Variants in VWA8 observed in about 807,000 individuals in gnomAD.
VWA8 encodes the protein von Willebrand factor A domain-containing protein 8.
A neutral mutation model predicts 241.5 loss-of-function variants in VWA8; 221 were observed. The observed-to-expected ratio is 0.91, with a 90% CI of 0.82 to 1.02. VWA8 has a LOEUF of 1.02. Among genes scored for constraint, VWA8 ranks in the 50% least tolerant of loss-of-function variants. The pLI, the probability that VWA8 is intolerant of heterozygous loss-of-function variation, is 0.00. For synonymous variants in VWA8, 852 were observed against 827.1 expected, an observed-to-expected ratio of 1.03 and a Z score of -0.52; for missense variants, 2,322 against 2,328.7, an observed-to-expected ratio of 1.00 and a Z score of 0.06.
At chr13:41,658,901 T>G (rs1046229947) in intron 37 of VWA8, among the ~76,000 whole-genome samples, 27 of 152,240 alleles carry the variant, frequency 1.8e-4, no homozygotes, top group South Asian at 1.2e-3. Flanking sequence ...TATACCTGTA[T>G]CTTCCTACCA....
At position 41,887,299 on chromosome 13, in the gene VWA8, C is replaced by T. The variant is rs1874593680; in HGVS notation, c.714G>A (p.Val238=). ...TTGGCACTGGCAAGCCCAAGGCAAT[C>T]ACTCGGAAATTTTCACTAACTCGGA... ...KIVRVSENFR[V]IALGLPVPRY... Residue 238 remains valine, a synonymous_variant, in exon 6 of 45, where the codon GTG becomes GTA. Coordinates refer to ENST00000379310, the MANE Select transcript of VWA8 (RefSeq NM_015058.2). 6.2e-7 allele frequency: 1 copy of T among 1,613,558 alleles called. No homozygotes were observed. The highest frequency in any genetic ancestry group is 1.3e-5 in the African/African-American group (1 of 74,890).
At chr13:41,840,155 T>C (rs1237184286) in intron 12 of VWA8, among the ~76,000 whole-genome samples, 1 of 152,174 alleles carries the variant, frequency 6.6e-6, no homozygotes. Flanking sequence ...AGTTCACTCA[T>C]GTTTTGGCTG....
rs372532526 is a variant in VWA8, at chr13:41,732,131, C to T, written c.2451G>A (p.Thr817=). 7.5e-5 allele frequency: 121 copies of T among 1,612,850 alleles called. No individual in the cohort carries two copies. Among genetic ancestry groups the T allele is most frequent in the Non-Finnish European group, 2.1e-5 (25 of 1,179,444 alleles). The change falls in exon 22 of 45, where the codon ACG becomes ACA. Residue 817 remains threonine (T), a synonymous_variant. Coordinates refer to ENST00000379310, the MANE Select transcript of VWA8 (RefSeq NM_015058.2). The part of the protein sequence containing the change: ...LHRDTTVQTL[T]LQPSVKDGLI... Reference sequence around the variant, plus strand: ...GTCCGTCTTTAACCGAAGGCTGAAGCGTAAGAGTTTGTACTGTGGTATCCC... The same window carrying T: ...GTCCGTCTTTAACCGAAGGCTGAAGTGTAAGAGTTTGTACTGTGGTATCCC...
At chr13:41,777,822 T>A (rs767199781) in intron 20 of VWA8, among the ~76,000 whole-genome samples, 163 bp downstream of exon 20, 1 of 152,214 alleles carries the variant, frequency 6.6e-6, no homozygotes, top group Admixed American at 6.5e-5. Flanking sequence ...GATTTAAACC[T>A]TGAGGTAATT....
At chr13:41,892,195 A>G (rs148148826) in intron 4 of VWA8, among the ~76,000 whole-genome samples, 1 of 152,352 alleles carries the variant, frequency 6.6e-6, no homozygotes, top group African/African-American at 2.4e-5. Context: ...GAAAATTAGT[A>G]ATGGAGAAAA....
rs144416393 is a variant in VWA8, at chr13:41,614,083, G to A, written c.4720+893C>T. On this transcript the variant is annotated intron_variant, in intron 38 of 44. Transcript: ENST00000379310. ...ATGGATTAAATCTTGTTGGCTTGAC[G>A]CTAACTTCCAGATCAAAGGACATTT... 9.3e-4 allele frequency among the ~76,000 whole-genome samples: 142 copies of A among 152,312 alleles called. 1 individual carries two copies. The highest frequency in any genetic ancestry group is 3.2e-3 in the African/African-American group (134 of 41,558).
chr13:41,728,801 G>A (rs1240924433), intron 23 of VWA8, among the ~76,000 whole-genome samples: 1 of 151,838 alleles, frequency 6.6e-6, no homozygotes, highest in Non-Finnish European at 1.5e-5. Context: ...CCTTTTTAAT[G>A]GGGTTCTCCT....
chr13:41,835,804 T>C (rs1450817836), intron 12 of VWA8, among the ~76,000 whole-genome samples: 1 of 152,070 alleles, frequency 6.6e-6, no homozygotes, highest in Non-Finnish European at 1.5e-5. Context: ...AAAGTAAATA[T>C]AAAAACAGAT....
chr13:41,849,218 G>C (rs1411474276), intron 12 of VWA8, among the ~76,000 whole-genome samples: 5 of 151,972 alleles, frequency 3.3e-5, no homozygotes, highest in Non-Finnish European at 5.9e-5. Context: ...TCTTTAATAG[G>C]GGAAGAATAC....
At chr13:41,901,889 A>AATAT (rs869081141) in intron 4 of VWA8, among the ~76,000 whole-genome samples, 273 of 83,248 alleles carry the variant, frequency 3.3e-3, no homozygotes, top group Middle Eastern at 6.7e-3. Context: ...AAAAAAAAAA[A>AATAT]ATATATATAT....
At chr13:41,885,861 T>C (rs1874501903) in intron 8 of VWA8, 59 bp downstream of exon 8, 2 of 1,252,226 alleles carry the variant, frequency 1.6e-6, no homozygotes, top group Non-Finnish European at 2.2e-6. Flanking sequence ...TCCCTAATGA[T>C]TAACTTTCAA....
intron 37 of VWA8, among the ~76,000 whole-genome samples, chr13:41,625,158 A>G (rs1025496036): frequency 1.3e-5 from 2 of 152,072 alleles, no homozygotes; most frequent in African/African-American, 4.8e-5. Flanking sequence ...CACTGCTGAA[A>G]GATGACACAA....
intron 37 of VWA8, among the ~76,000 whole-genome samples, chr13:41,621,181 T>G (rs2044654692): frequency 6.6e-6 from 1 of 152,348 alleles, no homozygotes; most frequent in East Asian, 1.9e-4. Flanking sequence ...TAGTATAATA[T>G]TTAATAAGTT....
intron 2 of VWA8, among the ~76,000 whole-genome samples, chr13:41,913,017 G>A (rs1398928412): frequency 1.3e-5 from 2 of 151,784 alleles, no homozygotes; most frequent in Non-Finnish European, 2.9e-5. Flanking sequence ...TAAAACTGGA[G>A]ACAGAACAAT....
intron 20 of VWA8, among the ~76,000 whole-genome samples, chr13:41,769,843 C>T (rs578180334): frequency 6.6e-6 from 1 of 152,264 alleles, no homozygotes; most frequent in African/African-American, 2.4e-5. Flanking sequence ...AATTCTAAGA[C>T]ATACAAATAT....
intron 37 of VWA8, among the ~76,000 whole-genome samples, chr13:41,643,086 G>C (rs2044807384): frequency 6.6e-6 from 1 of 152,178 alleles, no homozygotes. Flanking sequence ...AGGTGATCCT[G>C]ACAGCTAGGA....
At chr13:41,955,274 A>G (rs1312703960) in intron 1 of VWA8, among the ~76,000 whole-genome samples, 1 of 152,220 alleles carries the variant, frequency 6.6e-6, no homozygotes, top group African/African-American at 2.4e-5. Flanking sequence ...GCCTTTCTTC[A>G]TGTAAACTGT....
intron 37 of VWA8, among the ~76,000 whole-genome samples, chr13:41,628,914 G>A (rs764320623): frequency 4.6e-5 from 7 of 152,020 alleles, no homozygotes; most frequent in Non-Finnish European, 8.8e-5. Flanking sequence ...GGTGGTGTGC[G>A]CCTGTAGTCC....
chr13:41,749,903 T>A (rs2045641688), intron 21 of VWA8, among the ~76,000 whole-genome samples: 1 of 151,436 alleles, frequency 6.6e-6, no homozygotes, highest in African/African-American at 2.4e-5. Context: ...AGGGATAGCA[T>A]TAGGAGATAT....
Sources: allele counts gnomAD v4.1 joint callset (sites outside exome capture counted in the v4.1 genomes callset), GRCh38; gene constraint gnomAD v4.1.1; transcripts MANE v1.5; gene names NCBI Gene and HGNC (gene_info 2026-07-23, HGNC 2026-07-21).